SBF2: variants seen among roughly 807,000 people sequenced by gnomAD.
SBF2 encodes the protein SET binding factor 2, also known as myotubularin-related protein 13.
A neutral mutation model predicts 225.2 loss-of-function variants in SBF2; 112 were observed. The ratio of observed to expected loss-of-function variants is 0.50; its 90% CI spans 0.43 to 0.58. The LOEUF is 0.58. Among genes scored for constraint, SBF2 ranks in the 20% least tolerant of loss-of-function variants. The pLI, the probability that SBF2 is intolerant of heterozygous loss-of-function variation, is 0.00. For synonymous variants in SBF2, 763 were observed against 773.3 expected (o/e 0.99, Z 0.22); for missense variants, 1,996 against 2,206.2 (o/e 0.90, Z 1.91).
In SBF2 at chr11:9,847,063, G is replaced by C. The variant is rs1324654662; in HGVS notation, c.2827C>G (p.Arg943Gly). 6.2e-7 allele frequency: 1 copy of C among 1,613,690 alleles called. No homozygotes were observed. The highest frequency in any genetic ancestry group is 1.1e-5 in the South Asian group (1 of 91,064). Residue 943 changes from arginine to glycine, a missense_variant, in exon 23 of 40, where the codon CGG becomes GGG. Arg to Gly is a moderately radical substitution (Grantham distance 125). Coordinates refer to ENST00000256190, the MANE Select transcript of SBF2 (RefSeq NM_030962.4). ...DQLVGEQTVV[R>G]SFPIASITKE... Reference sequence around the variant, plus strand: ...GTGATGGAGGCAATGGGAAAGCTCCGCACAACTGTCTGCTCACCCACTGTA... The same window carrying C: ...GTGATGGAGGCAATGGGAAAGCTCCCCACAACTGTCTGCTCACCCACTGTA...
intron 2 of SBF2, among the ~76,000 whole-genome samples, chr11:10,082,021 A>T (rs940586519): frequency 9.9e-5 from 15 of 152,140 alleles, no homozygotes; most frequent in African/African-American, 3.6e-4. Flanking sequence ...AGATTCAAAT[A>T]AACACAATCA....
At chr11:9,855,022 G>T (rs1308550992) in intron 19 of SBF2, among the ~76,000 whole-genome samples, 2 of 152,230 alleles carry the variant, frequency 1.3e-5, no homozygotes, top group East Asian at 3.8e-4. Flanking sequence ...GATAGGTCCT[G>T]TATTGAAACA....
At chr11:10,135,042 CCA>C (rs1391258474) in intron 2 of SBF2, among the ~76,000 whole-genome samples, 2 of 152,230 alleles carry the variant, frequency 1.3e-5, no homozygotes, top group Non-Finnish European at 2.9e-5. Flanking sequence ...CCAGGCATTT[CCA>C]CACATCTTCT....
intron 6 of SBF2, among the ~76,000 whole-genome samples, chr11:10,014,750 A>G (rs1948589233): frequency 6.6e-6 from 1 of 152,092 alleles, no homozygotes; most frequent in African/African-American, 2.4e-5. Context: ...ATTTTTTAAT[A>G]TATGTAAGAC....
intron 1 of SBF2, among the ~76,000 whole-genome samples, chr11:10,281,040 CCTT>C (rs1176359375): frequency 1.3e-5 from 2 of 152,082 alleles, no homozygotes; most frequent in Non-Finnish European, 2.9e-5. Flanking sequence ...TCTGATCTCG[CCTT>C]CTTCTGTGTA....
chr11:9,939,587 T>C lies in SBF2; in HGVS notation c.1860+22370A>G, dbSNP rs529639545. Among the ~76,000 whole-genome samples the C allele has an allele frequency of 7.2e-5, 11 of 152,308 alleles. No individual in the cohort carries two copies. In the South Asian group the frequency reaches 1.4e-3, roughly 20 times the overall value. On this transcript the variant is annotated intron_variant, in intron 16 of 39. Transcript: ENST00000256190. Reference sequence around the variant, plus strand: ...AAGCAAACCAAACAAGTTCTTTATATGTACTTTTACCACCTTTTTTGCCCA... The same window carrying C: ...AAGCAAACCAAACAAGTTCTTTATACGTACTTTTACCACCTTTTTTGCCCA...
intron 2 of SBF2, among the ~76,000 whole-genome samples, chr11:10,146,596 G>A (rs183009368): frequency 7.4e-4 from 112 of 152,182 alleles, no homozygotes; most frequent in Non-Finnish European, 1.5e-3. Flanking sequence ...AAACTTAAAT[G>A]TAAAACCCAA....
In SBF2 at chr11:10,222,678, C is replaced by T. The variant is rs375689837; in HGVS notation, c.56-28691G>A. On this transcript the variant is annotated intron_variant, in intron 1 of 39. Transcript: ENST00000256190. The stretch of plus-strand genomic sequence containing the variant: ...ATTTCTGAAGGTTGCTAGATGGAAA[C>T]TCAAGTCTTCAGAAGGAAAGAGAGC... 3.9e-5 allele frequency among the ~76,000 whole-genome samples: 6 copies of T among 152,300 alleles called. No individual in the cohort carries two copies. The East Asian group carries it at 7.7e-4, about 20-fold the overall frequency.
At position 10,108,515 on chromosome 11, in the gene SBF2, CTTTTT is replaced by C. The variant is rs34189666; in HGVS notation, c.142-65539_142-65535del. Among the ~76,000 whole-genome samples the C allele has an allele frequency of 4.8e-3, 401 of 83,450 alleles. 2 individuals are homozygous for C. The highest frequency in any genetic ancestry group is 0.028 in the Middle Eastern group (4 of 142). The allele number at this position is 83,450 out of a possible 152,430, so 54.7% of individuals were successfully genotyped here. A position where few individuals can be genotyped will look rare whatever the true frequency, so the allele number is the denominator to read the frequency against. On this transcript the variant is annotated intron_variant, in intron 2 of 39. Transcript: ENST00000256190. ...TGCAAAAACAAACAGTAATAGTTAA[CTTTTT>C]TTTTTTTTTTTTTTTTTTTTTTGAG... is the stretch of plus-strand genomic sequence containing the variant.
intron 2 of SBF2, among the ~76,000 whole-genome samples, chr11:10,142,343 T>A (rs1954685262): frequency 1.3e-5 from 2 of 152,216 alleles, no homozygotes; most frequent in African/African-American, 2.4e-5. Context: ...TAGGTCCTCC[T>A]GCAATGTGAA....
At chr11:10,244,212 T>C (rs1959531954) in intron 1 of SBF2, among the ~76,000 whole-genome samples, 1 of 152,202 alleles carries the variant, frequency 6.6e-6, no homozygotes, top group Non-Finnish European at 1.5e-5. Flanking sequence ...AAGGCTAATA[T>C]CAAACAGCTT....
chr11:10,213,415 A>T (rs2135387909), intron 1 of SBF2, among the ~76,000 whole-genome samples: 1 of 152,304 alleles, frequency 6.6e-6, no homozygotes, highest in Non-Finnish European at 1.5e-5. Flanking sequence ...AGCAAGAACC[A>T]AATCTAAAAT....
Position 9,968,487 on chromosome 11 carries a change from T to C in SBF2, c.1454A>G (p.His485Arg), listed in dbSNP as rs746915218. The change falls in exon 14 of 40, where the codon CAT becomes CGT. Residue 485 changes from histidine to arginine, a missense_variant. Transcript: ENST00000256190. ...GAAAGGAAGAATATGAACTCGCAAA[T>C]GGGATCCTTCTGTTGGCCGTGGAAC... ...QKVPRPTEGS[H>R]LRVHILPFPE... The C allele has an allele frequency of 6.2e-7, 1 of 1,614,052 alleles. No individual in the cohort carries two copies. Among genetic ancestry groups the C allele is most frequent in the East Asian group, 2.2e-5 (1 of 44,876 alleles).
intron 1 of SBF2, among the ~76,000 whole-genome samples, chr11:10,277,840 C>T (rs1452187975): frequency 6.6e-6 from 1 of 152,146 alleles, no homozygotes; most frequent in Admixed American, 6.5e-5. Context: ...AGGATCCTTC[C>T]CTAAATCCTT....
At chr11:9,913,183 T>G (rs1000686787) in intron 16 of SBF2, among the ~76,000 whole-genome samples, 5 of 151,990 alleles carry the variant, frequency 3.3e-5, no homozygotes, top group South Asian at 2.1e-4. Context: ...ATTCAGGAGG[T>G]TGAGGTGGGA....
intron 28 of SBF2, among the ~76,000 whole-genome samples, chr11:9,826,691 T>C (rs757375418): frequency 2.6e-5 from 4 of 151,518 alleles, no homozygotes; most frequent in Non-Finnish European, 4.4e-5. Context: ...AGAAACAAGA[T>C]TACTTACTTA....
chr11:10,203,256 G>C (rs1470336936), intron 1 of SBF2, among the ~76,000 whole-genome samples: 2 of 152,176 alleles, frequency 1.3e-5, no homozygotes, highest in Admixed American at 1.3e-4. Context: ...GAAAGGAACA[G>C]AAAGGACAAT....
intron 28 of SBF2, among the ~76,000 whole-genome samples, chr11:9,817,832 G>A (rs1046697345): frequency 6.6e-6 from 1 of 151,962 alleles, no homozygotes; most frequent in African/African-American, 2.4e-5. Flanking sequence ...GGAGGTGGAG[G>A]TTGCAGTGAG....
chr11:9,967,925 CTG>C (rs1867036386), intron 14 of SBF2, among the ~76,000 whole-genome samples: 1 of 116,308 alleles, frequency 8.6e-6, no homozygotes, highest in African/African-American at 3.2e-5. Flanking sequence ...GTCTGTCTGT[CTG>C]TCTGTCTGTC....
Sources: allele counts gnomAD v4.1 joint callset (sites outside exome capture counted in the v4.1 genomes callset), GRCh38; gene constraint gnomAD v4.1.1; transcripts MANE v1.5; gene names NCBI Gene and HGNC (gene_info 2026-07-23, HGNC 2026-07-21).